The following TCF7L1 variants were observed in gnomAD, a reference collection of about 807,000 sequenced individuals.
TCF7L1 encodes transcription factor 7-like 1.
A neutral mutation model predicts 63.7 loss-of-function variants in TCF7L1; 18 were observed. The ratio of observed to expected loss-of-function variants is 0.28; its 90% CI spans 0.20 to 0.42. The LOEUF (loss-of-function observed/expected upper bound fraction) is 0.42, where lower values mean the gene tolerates loss of function less well. TCF7L1 is among the 10% of genes least tolerant of loss of function. TCF7L1 has a pLI of 1.00. For synonymous variants in TCF7L1, 355 were observed against 340.9 expected, an observed-to-expected ratio of 1.04 and a Z score of -0.46; for missense variants, 654 against 779.3, an observed-to-expected ratio of 0.84 and a Z score of 1.91.
chr2:85,275,750 C>A (rs1681256481), intron 3 of TCF7L1, among the ~76,000 whole-genome samples: 1 of 151,938 alleles, frequency 6.6e-6, no homozygotes, highest in Non-Finnish European at 1.5e-5. Flanking sequence ...GAAATCCTGT[C>A]TCTACCAAAA....
At chr2:85,201,205 GAAAACA>G (rs1473018144) in intron 3 of TCF7L1, among the ~76,000 whole-genome samples, 1 of 152,074 alleles carries the variant, frequency 6.6e-6, no homozygotes, top group Non-Finnish European at 1.5e-5. Context: ...TTCGTCTCAA[GAAAACA>G]AAAACAAAAA....
intron 3 of TCF7L1, among the ~76,000 whole-genome samples, chr2:85,180,245 T>C (rs1258881947): frequency 6.6e-6 from 1 of 151,556 alleles, no homozygotes; most frequent in African/African-American, 2.4e-5. Flanking sequence ...TTTTTTTTTT[T>C]GGTAGAGACA....
At chr2:85,272,172 C>A (rs1045203371) in intron 3 of TCF7L1, among the ~76,000 whole-genome samples, 11 of 152,078 alleles carry the variant, frequency 7.2e-5, no homozygotes, top group Non-Finnish European at 1.5e-4. Context: ...TGTCCAGAAG[C>A]CATATAATTG....
Position 85,306,018 on chromosome 2 carries a change from C to T in TCF7L1, c.990-188C>T, listed in dbSNP as rs947516210. ...TTTTCAAAGAATCTGGCGTGGAGAT[C>T]GTTCAAAGGTGGGAAACTACGGGAG... is the stretch of plus-strand genomic sequence containing the variant. On this transcript the variant is annotated intron_variant, in intron 8 of 11. Transcript: ENST00000282111. This position sits in a 1 kb window ranked among gnomAD's most constrained non-coding sequence, Gnocchi z 4.3. Among the ~76,000 whole-genome samples the T allele has an allele frequency of 3.6e-4, 54 of 152,058 alleles. No individual in the cohort carries two copies. Among genetic ancestry groups the T allele is most frequent in the Non-Finnish European group, 8.8e-5 (6 of 68,008 alleles).
intron 5 of TCF7L1, chr2:85,303,544 C>T (rs115325109): frequency 3.7e-4 from 80 of 214,350 alleles, no homozygotes; most frequent in Non-Finnish European, 5.3e-4. Context: ...ATGAATGAGG[C>T]GGGCTTTCTA....
intron 3 of TCF7L1, among the ~76,000 whole-genome samples, chr2:85,179,467 T>G (rs570978231): frequency 6.6e-6 from 1 of 152,348 alleles, no homozygotes; most frequent in East Asian, 1.9e-4. Flanking sequence ...CAGATGGGAC[T>G]CTGAGAACCT....
chr2:85,175,264 C>T (rs1233785591), intron 3 of TCF7L1, among the ~76,000 whole-genome samples: 1 of 152,228 alleles, frequency 6.6e-6, no homozygotes, highest in Non-Finnish European at 1.5e-5. Context: ...GCTTTACCAC[C>T]CCCTGCCCCC....
Position 85,309,264 on chromosome 2 carries a change from G to T in TCF7L1, c.1569G>T (p.Leu523=), listed in dbSNP as rs1558664017. The T allele has an allele frequency of 1.2e-6, 2 of 1,613,712 alleles. No individual in the cohort carries two copies. The highest frequency in any genetic ancestry group is 4.5e-5 in the East Asian group (2 of 44,884). Residue 523 remains leucine, a synonymous_variant, in exon 12 of 12, where the codon CTG becomes CTT. Transcript: ENST00000282111. ...TGGCTCTCCACTCTGCCGCCTTCCT[G>T]TCGGCTAAGGCTGCAGCCTCCTCCT... ...AQLALHSAAF[L]SAKAAASSSG...
chr2:85,226,748 T>C (rs1679963347), intron 3 of TCF7L1, among the ~76,000 whole-genome samples: 1 of 152,138 alleles, frequency 6.6e-6, no homozygotes, highest in South Asian at 2.1e-4. Context: ...GTTTGTGGTT[T>C]TCCAGCCTGG....
chr2:85,149,871 G>A (rs1286208874), intron 3 of TCF7L1, among the ~76,000 whole-genome samples: 1 of 152,136 alleles, frequency 6.6e-6, no homozygotes, highest in African/African-American at 2.4e-5. Flanking sequence ...CAGGCGTAAT[G>A]TCCCTTTACT....
At chr2:85,183,744 T>C (rs1678855678) in intron 3 of TCF7L1, among the ~76,000 whole-genome samples, 1 of 152,058 alleles carries the variant, frequency 6.6e-6, no homozygotes. Context: ...ATAAAGTAAG[T>C]GAGGACTTAG....
chr2:85,262,359 C>T, intron 3 of TCF7L1: 1 of 417,204 alleles, frequency 2.4e-6, no homozygotes, highest in Non-Finnish European at 4.9e-6. Flanking sequence ...CCTCTGAGAG[C>T]AACTTCCAGA....
chr2:85,241,431 GTTTTTGTTTTTTTTTTT>G (rs1680323962), intron 3 of TCF7L1, among the ~76,000 whole-genome samples: 1 of 68,782 alleles, frequency 1.5e-5, no homozygotes, highest in Non-Finnish European at 3.0e-5. Flanking sequence ...GATGCACTTT[GTTTTTGTTTTTTTTTTT>G]TTTTTTTTTT....
At chr2:85,221,811 A>G (rs932641435) in intron 3 of TCF7L1, among the ~76,000 whole-genome samples, 2 of 152,100 alleles carry the variant, frequency 1.3e-5, no homozygotes, top group African/African-American at 4.8e-5. Flanking sequence ...AATAAAGTAA[A>G]ATAACATTGA....
At chr2:85,189,878 A>G (rs988282693) in intron 3 of TCF7L1, among the ~76,000 whole-genome samples, 3 of 152,222 alleles carry the variant, frequency 2.0e-5, no homozygotes, top group African/African-American at 7.2e-5. Flanking sequence ...GGAGAAGCCC[A>G]GGGCCCGGGA....
rs568863872 is a variant in TCF7L1 at position 85,306,944 on chromosome 2, G to A, written c.1257+385G>A. Among the ~76,000 whole-genome samples, 1 of 152,322 alleles carries A rather than the reference G, an allele frequency of 6.6e-6. No homozygotes were observed. The highest frequency in any genetic ancestry group is 1.5e-5 in the Non-Finnish European group (1 of 68,040). On this transcript the variant is annotated intron_variant, in intron 10 of 11. Coordinates refer to ENST00000282111, the MANE Select transcript of TCF7L1 (RefSeq NM_031283.3). The surrounding 1 kb of genome is among the most constrained non-coding windows in gnomAD (Gnocchi z 4.3). ...CTCCCAAAGCGCTGGGATTACAGGCGTGAGCCACCGCGCCCGGCCAGCGAC... is the reference window on the plus strand; with the variant it reads ...CTCCCAAAGCGCTGGGATTACAGGCATGAGCCACCGCGCCCGGCCAGCGAC...
At chr2:85,302,184 G>A (rs147284978) in intron 4 of TCF7L1, among the ~76,000 whole-genome samples, 11 of 152,048 alleles carry the variant, frequency 7.2e-5, no homozygotes, top group Admixed American at 2.0e-4. Context: ...ATGACACAGC[G>A]CAGATCATCC....
chr2:85,146,424 G>A (rs1019900467), intron 3 of TCF7L1, among the ~76,000 whole-genome samples: 9 of 151,642 alleles, frequency 5.9e-5, no homozygotes, highest in African/African-American at 2.2e-4. Flanking sequence ...GAAATGGTGT[G>A]TAGAAGTAAA....
rs1236184530 is a variant in TCF7L1 at position 85,133,612 on chromosome 2, C to CGCCGG, written c.-60_-56dup. ...CGGGCCCGCAAGCGGGCGGGAGGGG[C>CGCCGG]GCCGGGCCGGGCCGGGCAGGGCGCG... On this transcript the variant is annotated 5_prime_UTR_variant, in exon 1 of 12. Transcript: ENST00000282111. The surrounding 1 kb of genome is among the most constrained non-coding windows in gnomAD (Gnocchi z 4.4). The CGCCGG allele has an allele frequency of 3.3e-5, 18 of 546,536 alleles. No homozygotes were observed. Among genetic ancestry groups the CGCCGG allele is most frequent in the Admixed American group, 2.6e-4 (4 of 15,254 alleles). The allele number at this position is 546,536 out of a possible 1,614,324, so 33.9% of individuals were successfully genotyped here. A position where few individuals can be genotyped will look rare whatever the true frequency, so the allele number is the denominator to read the frequency against.
Sources: gnomAD v4.1 joint callset for allele counts (sites outside exome capture counted in the v4.1 genomes callset) on GRCh38, gnomAD v4.1.1 for gene constraint, Gnocchi (gnomAD v3.1) non-coding constraint, MANE v1.5 for transcripts, NCBI Gene and HGNC (gene_info 2026-07-23, HGNC 2026-07-21) for gene names.